LRRIQ4: variants seen among roughly 807,000 people sequenced by gnomAD.
LRRIQ4 encodes leucine-rich repeat and IQ domain-containing protein 4.
LRRIQ4 carries 21 observed loss-of-function variants against 40.1 expected under a neutral mutation model. The ratio of observed to expected loss-of-function variants is 0.52; its 90% CI spans 0.37 to 0.75. The LOEUF (loss-of-function observed/expected upper bound fraction) is 0.75, where lower values mean the gene tolerates loss of function less well. LRRIQ4 is among the 30% of genes least tolerant of loss of function. The pLI is 0.00. For missense variants in LRRIQ4, 655 were observed against 660.0 expected, an observed-to-expected ratio of 0.99 and a Z score of 0.08; for synonymous variants, 277 against 277.1, an observed-to-expected ratio of 1.00 and a Z score of 0.00.
At chr3:169,814,321 G>A (rs1779712787) in intron 1 of LRRIQ4, among the ~76,000 whole-genome samples, 2 of 152,086 alleles carry the variant, frequency 1.3e-5, no homozygotes, top group African/African-American at 2.4e-5. Flanking sequence ...TCTACACATC[G>A]TGCTGCTTGT....
intron 2 of LRRIQ4, 117 bp downstream of exon 2, chr3:169,823,058 T>TCCA: frequency 3.8e-6 from 3 of 787,902 alleles, no homozygotes; most frequent in Non-Finnish European, 5.8e-6. Flanking sequence ...AATCCAAGAT[T>TCCA]ACTAAATATC....
At chr3:169,813,473 C>G (rs1272594887) in intron 1 of LRRIQ4, among the ~76,000 whole-genome samples, 1 of 152,098 alleles carries the variant, frequency 6.6e-6, no homozygotes. Context: ...TCCTTATCCC[C>G]CTTGCAGGGC....
chr3:169,815,172 A>C (rs1267821141), intron 1 of LRRIQ4, among the ~76,000 whole-genome samples: 1 of 152,158 alleles, frequency 6.6e-6, no homozygotes, highest in Non-Finnish European at 1.5e-5. Flanking sequence ...TTCTGTGAAG[A>C]AGGTCTTTGG....
intron 1 of LRRIQ4, among the ~76,000 whole-genome samples, chr3:169,817,523 CA>C (rs2108263502): frequency 6.6e-6 from 1 of 152,216 alleles, no homozygotes; most frequent in African/African-American, 2.4e-5. Flanking sequence ...TGAAAGTATC[CA>C]ATGCTGAAAT....
intron 2 of LRRIQ4, among the ~76,000 whole-genome samples, chr3:169,825,164 C>T (rs747860542): frequency 1.2e-4 from 18 of 151,938 alleles, no homozygotes; most frequent in Non-Finnish European, 1.9e-4. Context: ...CCTGCCACCA[C>T]GCCCGGCTAA....
intron 5 of LRRIQ4, among the ~76,000 whole-genome samples, chr3:169,836,479 C>T (rs28626783): frequency 0.017 from 2,346 of 137,624 alleles, 67 homozygotes; most frequent in African/African-American, 0.06. Context: ...CTTCATATAA[C>T]AGAAAGAGAG....
intron 5 of LRRIQ4, among the ~76,000 whole-genome samples, chr3:169,834,482 C>T (rs142362762): frequency 3.3e-5 from 5 of 152,230 alleles, no homozygotes; most frequent in African/African-American, 9.6e-5. Context: ...CCCTCTTGCA[C>T]GTTCTTAAAA....
intron 2 of LRRIQ4, among the ~76,000 whole-genome samples, chr3:169,825,471 A>C (rs138402600): frequency 1.3e-5 from 2 of 152,304 alleles, no homozygotes; most frequent in African/African-American, 4.8e-5. Flanking sequence ...CTCACCTTGG[A>C]GGATTTTTGA....
intron 1 of LRRIQ4, among the ~76,000 whole-genome samples, chr3:169,818,624 C>T (rs904949023): frequency 1.1e-4 from 16 of 152,176 alleles, no homozygotes; most frequent in Non-Finnish European, 2.4e-4. Flanking sequence ...ATTGCATCTG[C>T]TATTTTTCAA....
intron 2 of LRRIQ4, among the ~76,000 whole-genome samples, chr3:169,826,378 G>C (rs191155393): frequency 3.0e-4 from 45 of 149,378 alleles, no homozygotes; most frequent in African/African-American, 1.1e-3. Flanking sequence ...GGCAAGAAGA[G>C]TGAAACTCCG....
chr3:169,817,278 C>T (rs1455389850), intron 1 of LRRIQ4, among the ~76,000 whole-genome samples: 1 of 152,084 alleles, frequency 6.6e-6, no homozygotes, highest in African/African-American at 2.4e-5. Context: ...TAGTTTTATT[C>T]CATTGTGCTC....
At position 169,832,865 on chromosome 3, in the gene LRRIQ4, C is replaced by A. The variant is rs1780212651; in HGVS notation, c.1334-122C>A. ...AAAAGTTTTGTCGGGTCTTGTGCAT[C>A]CTTCCTCTCATTCCCTTTGCAAATG... On this transcript the variant is annotated intron_variant, in intron 4 of 5. Coordinates refer to ENST00000340806, the MANE Select transcript of LRRIQ4 (RefSeq NM_001080460.3). 7.5e-6 allele frequency: 6 copies of A among 803,738 alleles called. No homozygotes were observed. In the South Asian group the frequency reaches 9.8e-5, roughly 13 times the overall value. The allele number at this position is 803,738 out of a possible 1,614,324, so 49.8% of individuals were successfully genotyped here.
At chr3:169,823,770 G>C (rs1013586840) in intron 2 of LRRIQ4, among the ~76,000 whole-genome samples, 7 of 152,158 alleles carry the variant, frequency 4.6e-5, no homozygotes, top group African/African-American at 1.4e-4. Flanking sequence ...AACCAGACTT[G>C]TCCCAACAGA....
At chr3:169,813,826 A>AAAAGTTTATTGATTTTATT (rs1779694625) in intron 1 of LRRIQ4, among the ~76,000 whole-genome samples, 1 of 152,108 alleles carries the variant, frequency 6.6e-6, no homozygotes, top group East Asian at 1.9e-4. Context: ...AAGAACCTGG[A>AAAAGTTTATTGATTTTATT]CACCTTCTAC....
intron 5 of LRRIQ4, 81 bp from the exon 6 acceptor site, chr3:169,837,398 G>A (rs1418923809): frequency 1.4e-6 from 2 of 1,420,544 alleles, no homozygotes; most frequent in East Asian, 4.9e-5. Flanking sequence ...TCAAGACCAT[G>A]TATCAGAATA....
intron 3 of LRRIQ4, among the ~76,000 whole-genome samples, chr3:169,829,175 G>T (rs538917895): frequency 5.4e-4 from 82 of 152,152 alleles, no homozygotes; most frequent in Non-Finnish European, 1.1e-3. Flanking sequence ...GTGTGATTTG[G>T]TGTGTTTCAT....
At chr3:169,817,706 C>T (rs1012732794) in intron 1 of LRRIQ4, among the ~76,000 whole-genome samples, 1 of 151,970 alleles carries the variant, frequency 6.6e-6, no homozygotes. Flanking sequence ...TTTTTTATAG[C>T]TTTTGTCTCG....
At chr3:169,815,735 TTTCAGTATTTCCTA>T (rs1354492699) in intron 1 of LRRIQ4, among the ~76,000 whole-genome samples, 1 of 152,238 alleles carries the variant, frequency 6.6e-6, no homozygotes, top group Non-Finnish European at 1.5e-5. Flanking sequence ...GAGAAAAGGT[TTTCAGTATTTCCTA>T]TTCAGTATGA....
chr3:169,828,728 C>T (rs1244901442), intron 2 of LRRIQ4, 31 bp from the exon 3 acceptor site: 2 of 1,593,910 alleles, frequency 1.3e-6, no homozygotes, highest in South Asian at 2.3e-5. Context: ...ATAATCTTGA[C>T]CTGAAACTTA....
Sources: gnomAD v4.1 joint callset for allele counts (sites outside exome capture counted in the v4.1 genomes callset) on GRCh38, gnomAD v4.1.1 for gene constraint, MANE v1.5 for transcripts, NCBI Gene and HGNC (gene_info 2026-07-23, HGNC 2026-07-21) for gene names.